Variants in KIF16B observed in about 807,000 individuals in gnomAD.
KIF16B encodes the protein kinesin-like protein KIF16B.
In KIF16B, 98 loss-of-function variants were observed where a neutral mutation model predicts 156.3. That is an observed-to-expected ratio of 0.63 (90% CI 0.53 to 0.74). The LOEUF is 0.74. Among genes scored for constraint, KIF16B ranks in the 30% least tolerant of loss-of-function variants. KIF16B has a pLI of 0.00. For missense variants in KIF16B, 1,421 were observed against 1,606.5 expected, an observed-to-expected ratio of 0.88 and a Z score of 1.97; for synonymous variants, 564 against 583.7, an observed-to-expected ratio of 0.97 and a Z score of 0.49.
At chr20:16,442,538 C>T (rs2066831370) in intron 12 of KIF16B, among the ~76,000 whole-genome samples, 1 of 151,830 alleles carries the variant, frequency 6.6e-6, no homozygotes, top group South Asian at 2.1e-4. Context: ...GGTGTCTTGG[C>T]ATGATTCTGT....
chr20:16,457,469 T>G (rs555663960), intron 12 of KIF16B, among the ~76,000 whole-genome samples: 1 of 152,348 alleles, frequency 6.6e-6, no homozygotes, highest in African/African-American at 2.4e-5. Context: ...CAACTCAGCC[T>G]TTCATTTCTG....
chr20:16,378,723 A>C (rs1600242528), intron 19 of KIF16B, 82 bp downstream of exon 19: 1 of 1,294,274 alleles, frequency 7.7e-7, no homozygotes. Context: ...AAAAAAAAAA[A>C]GGATAAACAC....
rs753956403 is a variant in KIF16B, at chr20:16,273,340, T to TCC, written c.3865_3866dup (p.Leu1290AspfsTer2). 3.7e-6 allele frequency: 6 copies of TCC among 1,613,286 alleles called. No homozygotes were observed. In the South Asian group the frequency reaches 6.6e-5, roughly 18 times the overall value. On this transcript the variant is annotated frameshift_variant, in exon 26 of 26. Transcript: ENST00000354981. LOFTEE classifies it high-confidence loss of function. Reference sequence around the variant, plus strand: ...AAATGGTATGTTTCGAGAGAGTCAGTCCCACTTTGTTGATGTGGAGGGGAG... The same window carrying TCC: ...AAATGGTATGTTTCGAGAGAGTCAGTCCCCCACTTTGTTGATGTGGAGGGGAG...
intron 6 of KIF16B, among the ~76,000 whole-genome samples, chr20:16,509,248 G>A (rs1419876274): frequency 6.6e-6 from 1 of 152,192 alleles, no homozygotes; most frequent in Non-Finnish European, 1.5e-5. Context: ...GACTACAGCA[G>A]TTGTTCATAT....
At chr20:16,433,056 T>C (rs1259307976) in intron 12 of KIF16B, among the ~76,000 whole-genome samples, 1 of 152,186 alleles carries the variant, frequency 6.6e-6, no homozygotes, top group African/African-American at 2.4e-5. Flanking sequence ...ACCTCTCGGA[T>C]ATTAGCAGAA....
Position 16,392,673 on chromosome 20 carries a change from G to T in KIF16B, c.1785-10926C>A, listed in dbSNP as rs377748336. On this transcript the variant is annotated intron_variant, in intron 17 of 25. Coordinates refer to ENST00000354981, the MANE Select transcript of KIF16B (RefSeq NM_024704.5). ...CGCCTCTGTATCCCAGACCAGGGCTGCCAGAGGTCTCAGAGCACCAGCCTG... is the reference window on the plus strand; with the variant it reads ...CGCCTCTGTATCCCAGACCAGGGCTTCCAGAGGTCTCAGAGCACCAGCCTG... Among the ~76,000 whole-genome samples the T allele has an allele frequency of 5.3e-5, 8 of 152,352 alleles. No individual in the cohort carries two copies. The East Asian group carries it at 1.5e-3, about 29-fold the overall frequency.
At chr20:16,476,845 G>A (rs1301526539) in intron 12 of KIF16B, among the ~76,000 whole-genome samples, 3 of 152,054 alleles carry the variant, frequency 2.0e-5, no homozygotes, top group Admixed American at 1.3e-4. Context: ...TGCAACCTCC[G>A]CCTCCCAGGT....
chr20:16,563,026 C>G (rs2071123062), intron 1 of KIF16B, among the ~76,000 whole-genome samples: 1 of 152,212 alleles, frequency 6.6e-6, no homozygotes, highest in African/African-American at 2.4e-5. Flanking sequence ...AAAGCATTAA[C>G]TTTCTCAATT....
At chr20:16,446,141 A>T (rs1478717808) in intron 12 of KIF16B, among the ~76,000 whole-genome samples, 1 of 152,230 alleles carries the variant, frequency 6.6e-6, no homozygotes, top group Non-Finnish European at 1.5e-5. Context: ...CACCTTTAAT[A>T]AAAACAAAAT....
intron 15 of KIF16B, among the ~76,000 whole-genome samples, chr20:16,420,529 G>A (rs1016501061): frequency 6.6e-6 from 1 of 152,162 alleles, no homozygotes; most frequent in Admixed American, 6.5e-5. Context: ...AGGGGTGGTG[G>A]AAAGGTAGGA....
intron 12 of KIF16B, among the ~76,000 whole-genome samples, chr20:16,460,823 G>A (rs935003580): frequency 6.6e-6 from 1 of 151,864 alleles, no homozygotes; most frequent in South Asian, 2.1e-4. Context: ...AAAGAAGAGT[G>A]TAATAATAAA....
At chr20:16,523,839 T>C (rs894862274) in intron 3 of KIF16B, among the ~76,000 whole-genome samples, 1 of 152,076 alleles carries the variant, frequency 6.6e-6, no homozygotes, top group Admixed American at 6.5e-5. Flanking sequence ...AAAACAGATA[T>C]ATAGACAAAT....
At chr20:16,396,650 T>TC (rs57637097) in intron 17 of KIF16B, among the ~76,000 whole-genome samples, 4 of 115,720 alleles carry the variant, frequency 3.5e-5, no homozygotes, top group African/African-American at 1.0e-4. Context: ...TGTAGTCGCT[T>TC]TTTTTTTTTT....
intron 3 of KIF16B, among the ~76,000 whole-genome samples, chr20:16,516,029 CAG>C (rs1243529218): frequency 6.6e-6 from 1 of 152,186 alleles, no homozygotes; most frequent in East Asian, 1.9e-4. Flanking sequence ...TTCATTCTAT[CAG>C]AGTTTCCAGA....
At chr20:16,479,057 A>G (rs2067901622) in intron 12 of KIF16B, among the ~76,000 whole-genome samples, 1 of 152,240 alleles carries the variant, frequency 6.6e-6, no homozygotes, top group Admixed American at 6.5e-5. Context: ...GAGTACAATG[A>G]ATAAACTATG....
intron 10 of KIF16B, among the ~76,000 whole-genome samples, chr20:16,502,776 C>A (rs1180082627): frequency 6.6e-6 from 1 of 152,172 alleles, no homozygotes; most frequent in Non-Finnish European, 1.5e-5. Flanking sequence ...TTTTACCCTT[C>A]ATTCTTTTAA....
chr20:16,429,009 G>A lies in KIF16B; in HGVS notation c.1423-5C>T, dbSNP rs1383088933. 6.0e-5 allele frequency: 96 copies of A among 1,611,898 alleles called. No homozygotes were observed. The highest frequency in any genetic ancestry group is 7.6e-5 in the Non-Finnish European group (89 of 1,178,362). ...ACCAACGTATGTCTGACCTTCCTGGGAAGAAAACCCAAGCAAAATGTATTA... is the reference window on the plus strand; with the variant it reads ...ACCAACGTATGTCTGACCTTCCTGGAAAGAAAACCCAAGCAAAATGTATTA... On this transcript the variant is annotated splice_region_variant and splice_polypyrimidine_tract_variant and intron_variant, in intron 13 of 25. Coordinates refer to ENST00000354981, the MANE Select transcript of KIF16B (RefSeq NM_024704.5).
At chr20:16,370,479 C>A in intron 22 of KIF16B, 107 bp downstream of exon 22, 1 of 835,404 alleles carries the variant, frequency 1.2e-6, no homozygotes, top group African/African-American at 1.8e-5. Flanking sequence ...ATTAATCTTG[C>A]CGGGACCTCA....
intron 25 of KIF16B, among the ~76,000 whole-genome samples, chr20:16,275,487 C>T (rs2063047389): frequency 6.6e-6 from 1 of 152,212 alleles, no homozygotes; most frequent in South Asian, 2.1e-4. Context: ...GTTATCCTTA[C>T]ACTTGGCCTG....
Sources: gnomAD v4.1 joint callset for allele counts (sites outside exome capture counted in the v4.1 genomes callset) on GRCh38, gnomAD v4.1.1 for gene constraint, MANE v1.5 for transcripts, NCBI Gene and HGNC (gene_info 2026-07-23, HGNC 2026-07-21) for gene names.